Variants in NOP58 observed in about 807,000 individuals in gnomAD.
NOP58 encodes the protein nucleolar protein 58.
NOP58 carries 44 observed loss-of-function variants against 71.2 expected under a neutral mutation model. The ratio of observed to expected loss-of-function variants is 0.62; its 90% CI spans 0.49 to 0.79. NOP58 has a LOEUF of 0.79. NOP58 is among the 30% of genes least tolerant of loss of function. The pLI is 0.00. For missense variants in NOP58, 538 were observed against 620.2 expected (o/e 0.87, Z 1.41); for synonymous variants, 228 against 200.3 (o/e 1.14, Z -1.17).
chr2:202,290,874 G>A, intron 7 of NOP58: 1 of 398,592 alleles, frequency 2.5e-6, no homozygotes, highest in East Asian at 4.2e-5. Context: ...TCTGTAATAA[G>A]TGTTGTGGCA....
At position 202,303,618 on chromosome 2, in the gene NOP58, C is replaced by G; in HGVS notation, c.*182C>G. On this transcript the variant is annotated 3_prime_UTR_variant, in exon 15 of 15. Coordinates refer to ENST00000264279, the MANE Select transcript of NOP58 (RefSeq NM_015934.5). The stretch of plus-strand genomic sequence containing the variant: ...CTCTGTTAACCTTATGTCATCATTT[C>G]TTAGAGTCTTTGATATACAAATAAA... 1 of 637,944 alleles carries G rather than the reference C, an allele frequency of 1.6e-6. No individual in the cohort carries two copies. The highest frequency in any genetic ancestry group is 2.4e-6 in the Non-Finnish European group (1 of 420,594). 39.5% of individuals were successfully genotyped at this position (637,944 alleles called of 1,614,324 possible). A position where few individuals can be genotyped will look rare whatever the true frequency, so the allele number is the denominator to read the frequency against.
At chr2:202,270,938 AT>A (rs1688502832) in intron 1 of NOP58, among the ~76,000 whole-genome samples, 1 of 151,714 alleles carries the variant, frequency 6.6e-6, no homozygotes, top group African/African-American at 2.4e-5. Flanking sequence ...AAATACAAAA[AT>A]TAGCCGGGCA....
chr2:202,277,170 C>T (rs547778441), intron 2 of NOP58, among the ~76,000 whole-genome samples: 1 of 152,168 alleles, frequency 6.6e-6, no homozygotes, highest in South Asian at 2.1e-4. Flanking sequence ...GCCTGTAGTC[C>T]CAGCTACTTG....
chr2:202,284,971 A>G (rs1688765240), intron 5 of NOP58, among the ~76,000 whole-genome samples: 1 of 152,184 alleles, frequency 6.6e-6, no homozygotes, highest in Non-Finnish European at 1.5e-5. Context: ...TTGGGAGACC[A>G]GGAGTTTGAG....
intron 2 of NOP58, among the ~76,000 whole-genome samples, chr2:202,277,322 A>C (rs1301743836): frequency 6.7e-6 from 1 of 149,674 alleles, no homozygotes; most frequent in African/African-American, 2.5e-5. Context: ...AAAAACAAAA[A>C]CTAGCCAGGC....
At chr2:202,275,242 A>G (rs1688573287) in intron 2 of NOP58, 53 bp downstream of exon 2, 1 of 852,042 alleles carries the variant, frequency 1.2e-6, no homozygotes, top group Non-Finnish European at 1.9e-6. Flanking sequence ...GGCTTGTTTT[A>G]TTTTTTACAT....
chr2:202,276,600 G>A (rs1367443631), intron 2 of NOP58: 1 of 397,490 alleles, frequency 2.5e-6, no homozygotes, highest in Non-Finnish European at 5.3e-6. Flanking sequence ...AGCATTTTGG[G>A]AGGCCAAGGC....
At position 202,276,205 on chromosome 2, in the gene NOP58, G is replaced by T. The variant is rs192145727; in HGVS notation, c.122+1016G>T. Among the ~76,000 whole-genome samples, 513 of 152,036 alleles carry T rather than the reference G, an allele frequency of 3.4e-3. 1 individual carries two copies. The highest frequency in any genetic ancestry group is 6.0e-3 in the Non-Finnish European group (408 of 67,968). ...AACACAAAATTAGCCGGGCGTGGTG[G>T]CACATGCCTGTAATCCCAGCTACTG... On this transcript the variant is annotated intron_variant, in intron 2 of 14. Transcript: ENST00000264279.
In NOP58 at chr2:202,291,787, CAA is replaced by C. The variant is rs531176711; in HGVS notation, c.780+518_780+519del. Among the ~76,000 whole-genome samples, 8 of 63,874 alleles carry C rather than the reference CAA, an allele frequency of 1.3e-4. No homozygotes were observed. In the South Asian group the frequency reaches 3.1e-3, roughly 25 times the overall value. The allele number at this position is 63,874 out of a possible 152,430, so 41.9% of individuals were successfully genotyped here. Reference sequence around the variant, plus strand: ...GCACCATTGCATCCAGCCTGGGCAACAAGAGCAAAACTCCATCTCAAAAAAAA... The same window carrying C: ...GCACCATTGCATCCAGCCTGGGCAACGAGCAAAACTCCATCTCAAAAAAAA... On this transcript the variant is annotated intron_variant, in intron 8 of 14. Coordinates refer to ENST00000264279, the MANE Select transcript of NOP58 (RefSeq NM_015934.5).
At chr2:202,302,823 T>G (rs1689116277) in intron 13 of NOP58, 98 bp from the exon 14 acceptor site, 4 of 1,474,690 alleles carry the variant, frequency 2.7e-6, no homozygotes, top group Admixed American at 2.3e-5. Context: ...GGGTAGTTGA[T>G]GAGAATGACA....
Position 202,277,969 on chromosome 2 carries a change from G to T in NOP58, c.142G>T (p.Glu48Ter). ...ANKIVKLKHF[E>*]KFQDTAEALA... ...TTCTAGAGTAAAGCTAAAACATTTT[G>T]AGAAATTTCAGGATACAGCAGAAGC... Residue 48 changes from glutamate (E) to a stop codon, truncating the protein, a stop_gained, in exon 3 of 15, where the codon GAG becomes TAG. Coordinates refer to ENST00000264279, the MANE Select transcript of NOP58 (RefSeq NM_015934.5). LOFTEE classifies it high-confidence loss of function. The T allele has an allele frequency of 6.5e-7, 1 of 1,541,120 alleles. No individual in the cohort carries two copies. Among genetic ancestry groups the T allele is most frequent in the South Asian group, 1.2e-5 (1 of 85,076 alleles).
intron 5 of NOP58, 168 bp downstream of exon 5, chr2:202,284,649 C>A (rs973876542): frequency 1.1e-5 from 7 of 654,092 alleles, no homozygotes; most frequent in Non-Finnish European, 1.7e-5. Context: ...AAGGTCAATA[C>A]AGCTGGTAAG....
intron 12 of NOP58, among the ~76,000 whole-genome samples, chr2:202,299,524 T>C (rs991112830): frequency 1.3e-5 from 2 of 152,184 alleles, no homozygotes; most frequent in African/African-American, 4.8e-5. Context: ...ATTATAAATG[T>C]CTTTAACCTA....
chr2:202,298,952 A>ATTT (rs3043921), intron 12 of NOP58, among the ~76,000 whole-genome samples: 49 of 81,464 alleles, frequency 6.0e-4, no homozygotes, highest in Admixed American at 8.7e-4. Flanking sequence ...ATCCTTCAAG[A>ATTT]TTTTTTTTTT....
intron 12 of NOP58, 120 bp from the exon 13 acceptor site, chr2:202,300,114 A>C: frequency 1.2e-6 from 1 of 864,192 alleles, no homozygotes; most frequent in Non-Finnish European, 1.8e-6. Flanking sequence ...AAGCCACTAA[A>C]ATGAAACAAC....
In NOP58 at chr2:202,290,292, G is replaced by A. The variant is rs537283498; in HGVS notation, c.500-31G>A. 9.6e-5 allele frequency: 149 copies of A among 1,552,614 alleles called. No individual in the cohort carries two copies. The South Asian group carries it at 1.7e-3, about 18-fold the overall frequency. ...GTTTTACCACAATAAATCCCTTTAA[G>A]TTTTGTTTGTTTGTTTTTAATCTAC... is the stretch of plus-strand genomic sequence containing the variant. On this transcript the variant is annotated intron_variant, in intron 6 of 14. Transcript: ENST00000264279.
At chr2:202,272,538 A>G (rs975676081) in intron 1 of NOP58, among the ~76,000 whole-genome samples, 3 of 152,234 alleles carry the variant, frequency 2.0e-5, no homozygotes, top group Admixed American at 6.5e-5. Flanking sequence ...ACACAAAGCA[A>G]TAAACAACTA....
At chr2:202,283,250 GA>G (rs1559262622) in intron 4 of NOP58, among the ~76,000 whole-genome samples, 1 of 151,904 alleles carries the variant, frequency 6.6e-6, no homozygotes. Context: ...ATTTATTTGA[GA>G]CAGAGTCTCA....
At chr2:202,276,778 C>T (rs2105840508) in intron 2 of NOP58, among the ~76,000 whole-genome samples, 1 of 152,242 alleles carries the variant, frequency 6.6e-6, no homozygotes. Flanking sequence ...GTCAGGGCTG[C>T]AGTGAGCTGT....
Sources: allele counts gnomAD v4.1 joint callset (sites outside exome capture counted in the v4.1 genomes callset), GRCh38; gene constraint gnomAD v4.1.1; transcripts MANE v1.5; gene names NCBI Gene and HGNC (gene_info 2026-07-23, HGNC 2026-07-21).